The following TIAM1 variants were observed in gnomAD, a reference collection of about 807,000 sequenced individuals.
The protein encoded by TIAM1 is rho guanine nucleotide exchange factor TIAM1.
In TIAM1, 65 loss-of-function variants were observed where a neutral mutation model predicts 163.5. The observed-to-expected ratio is 0.40, with a 90% CI of 0.33 to 0.49. The LOEUF (loss-of-function observed/expected upper bound fraction) is 0.49, where lower values mean the gene tolerates loss of function less well. TIAM1 is among the 20% of genes least tolerant of loss of function. TIAM1 has a pLI of 0.77. For synonymous variants in TIAM1, 833 were observed against 810.1 expected (o/e 1.03, Z -0.48); for missense variants, 1,789 against 2,044.7 (o/e 0.87, Z 2.41).
chr21:31,153,754 G>C (rs1447480386), intron 17 of TIAM1, among the ~76,000 whole-genome samples: 5 of 151,784 alleles, frequency 3.3e-5, no homozygotes, highest in African/African-American at 9.7e-5. Flanking sequence ...AAAATCACTA[G>C]GCTTCCTTAA....
rs2081944325 is a variant in TIAM1, at chr21:31,120,139, A to T, written c.*229T>A. ...TGAGAATAAATAAAAGCCCTTAGTA[A>T]TATACAGAAGATAGGACTCAAGCTT... On this transcript the variant is annotated 3_prime_UTR_variant, in exon 28 of 28. Coordinates refer to ENST00000541036, the MANE Select transcript of TIAM1 (RefSeq NM_001353694.2). The surrounding 1 kb of genome is among the most constrained non-coding windows in gnomAD (Gnocchi z 4.2). 2.0e-6 allele frequency: 1 copy of T among 510,858 alleles called. No homozygotes were observed. Among genetic ancestry groups the T allele is most frequent in the Non-Finnish European group, 3.4e-6 (1 of 290,598 alleles). 31.6% of individuals were successfully genotyped at this position (510,858 alleles called of 1,614,324 possible).
At chr21:31,298,763 TGTGTGA>T (rs1362800694) in intron 2 of TIAM1, among the ~76,000 whole-genome samples, 37 of 134,560 alleles carry the variant, frequency 2.7e-4, no homozygotes, top group African/African-American at 1.1e-3. Flanking sequence ...TGTGTGTGTG[TGTGTGA>T]GAAACAGAGA....
intron 2 of TIAM1, among the ~76,000 whole-genome samples, chr21:31,324,391 G>A: frequency 6.6e-6 from 1 of 152,186 alleles, no homozygotes; most frequent in Non-Finnish European, 1.5e-5. Context: ...TATGGGCAGA[G>A]GGATGCTGTC....
intron 1 of TIAM1, among the ~76,000 whole-genome samples, chr21:31,520,294 G>A (rs1255480343): frequency 6.7e-6 from 1 of 149,774 alleles, no homozygotes; most frequent in African/African-American, 2.5e-5. Flanking sequence ...TCGCGCCATT[G>A]CACTCCAGCC....
intron 2 of TIAM1, among the ~76,000 whole-genome samples, chr21:31,377,248 G>GAA (rs1233830106): frequency 6.7e-6 from 1 of 149,712 alleles, no homozygotes; most frequent in Non-Finnish European, 1.5e-5. Context: ...ACCTGCTGGA[G>GAA]AAACTCAGAC....
chr21:31,458,673 G>A (rs1435696838), intron 2 of TIAM1, among the ~76,000 whole-genome samples: 3 of 151,568 alleles, frequency 2.0e-5, no homozygotes, highest in South Asian at 2.1e-4. Flanking sequence ...TAATGGGAGC[G>A]ACTGACAATG....
In TIAM1 at chr21:31,428,280, T is replaced by C. The variant is rs142338321; in HGVS notation, c.-369+35703A>G. ...CAACAAAAAAAAGAAAGAAAGAAAC[T>C]GAATGTGGCAAACTAACTCTGCACC... is the stretch of plus-strand genomic sequence containing the variant. On this transcript the variant is annotated intron_variant, in intron 2 of 28. Transcript: ENST00000286827. Among the ~76,000 whole-genome samples, 750 of 152,148 alleles carry C rather than the reference T, an allele frequency of 4.9e-3. 2 individuals are homozygous for C. The highest frequency in any genetic ancestry group is 0.011 in the Admixed American group (166 of 15,264).
In TIAM1 at chr21:31,182,520, G is replaced by A; in HGVS notation, c.2788C>T (p.Leu930=). Residue 930 remains leucine, a synonymous_variant, in exon 15 of 28, where the codon CTG becomes TTG. Coordinates refer to ENST00000541036, the MANE Select transcript of TIAM1 (RefSeq NM_001353694.2). ...TCCAGCAGCTCCACTCCTTCCTCCA[G>A]CTCGGGGTAGGTCCTCACCAGGAGG... ...LGLLVRTYPE[L]EEGVELLESP... 1 of 1,613,868 alleles carries A rather than the reference G, an allele frequency of 6.2e-7. No homozygotes were observed. The highest frequency in any genetic ancestry group is 2.2e-5 in the East Asian group (1 of 44,840).
At chr21:31,411,907 T>C (rs1215772388) in intron 2 of TIAM1, among the ~76,000 whole-genome samples, 1 of 142,650 alleles carries the variant, frequency 7.0e-6, no homozygotes, top group African/African-American at 2.4e-5. Context: ...AGAAAGTGCA[T>C]TTCGTCAGCT....
chr21:31,233,445 C>A (rs774529338), intron 6 of TIAM1, among the ~76,000 whole-genome samples: 5 of 152,122 alleles, frequency 3.3e-5, no homozygotes, highest in African/African-American at 4.8e-5. Context: ...TGGTGGCTCA[C>A]GCCTGTAATC....
chr21:31,484,351 G>C (rs8126603), intron 1 of TIAM1, among the ~76,000 whole-genome samples: 4,630 of 152,244 alleles, frequency 0.03, 241 homozygotes, highest in African/African-American at 0.11. Flanking sequence ...TTGCTCCCCG[G>C]TTCATCTGCA....
At chr21:31,498,927 C>T (rs1219587996) in intron 1 of TIAM1, among the ~76,000 whole-genome samples, 2 of 137,310 alleles carry the variant, frequency 1.5e-5, no homozygotes, top group Non-Finnish European at 3.0e-5. Flanking sequence ...GCCTGGGCTA[C>T]AGAGCGAGAC....
At chr21:31,387,195 C>CTCTT (rs759122075) in intron 2 of TIAM1, among the ~76,000 whole-genome samples, 41 of 75,158 alleles carry the variant, frequency 5.5e-4, no homozygotes, top group Non-Finnish European at 7.5e-4. Context: ...AGCTTATTCT[C>CTCTT]TTTTTTTTTT....
chr21:31,210,534 AAAAGAAAGAAAGAAAGAAAGAAAG>A (rs1214068044), intron 10 of TIAM1, among the ~76,000 whole-genome samples: 94 of 55,604 alleles, frequency 1.7e-3, no homozygotes, highest in Non-Finnish European at 1.9e-3. Context: ...GGAAGGAAGG[AAAAGAAAGAAAGAAAGAAAGAAAG>A]AAAGAAAGAA....
At chr21:31,219,386 G>A (rs1258682050) in intron 8 of TIAM1, among the ~76,000 whole-genome samples, 1 of 152,172 alleles carries the variant, frequency 6.6e-6, no homozygotes, top group Admixed American at 6.5e-5. Flanking sequence ...GTTGCCAGAG[G>A]TGAATGTCTT....
chr21:31,492,201 C>G (rs2046493126), intron 1 of TIAM1, among the ~76,000 whole-genome samples: 1 of 152,182 alleles, frequency 6.6e-6, no homozygotes, highest in Non-Finnish European at 1.5e-5. Flanking sequence ...GGAACTACAT[C>G]AGGTAAACCT....
At chr21:31,135,405 G>A (rs1383155973) in intron 23 of TIAM1, among the ~76,000 whole-genome samples, 1 of 152,090 alleles carries the variant, frequency 6.6e-6, no homozygotes. Context: ...GTATTGAGTG[G>A]CAATGCGATT....
chr21:31,530,737 C>T (rs1295790534), intron 1 of TIAM1, among the ~76,000 whole-genome samples: 1 of 152,180 alleles, frequency 6.6e-6, no homozygotes, highest in Non-Finnish European at 1.5e-5. Context: ...CAGAACCAAC[C>T]TCCAAGACCC....
chr21:31,192,805 C>T (rs2146484753), intron 13 of TIAM1, among the ~76,000 whole-genome samples: 1 of 152,248 alleles, frequency 6.6e-6, no homozygotes, highest in South Asian at 2.1e-4. Flanking sequence ...TGGGACAACA[C>T]CTGCTTTCCC....
Sources: gnomAD v4.1 joint callset for allele counts (sites outside exome capture counted in the v4.1 genomes callset) on GRCh38, gnomAD v4.1.1 for gene constraint, Gnocchi (gnomAD v3.1) non-coding constraint, MANE v1.5 for transcripts, NCBI Gene and HGNC (gene_info 2026-07-23, HGNC 2026-07-21) for gene names.